The following GCSAML variants were observed in gnomAD, a reference collection of about 807,000 sequenced individuals.
The protein encoded by GCSAML is germinal center associated signaling and motility like.
GCSAML carries 9 observed loss-of-function variants against 13.0 expected under a neutral mutation model. The observed-to-expected ratio is 0.69, with a 90% CI of 0.42 to 1.21. The LOEUF is 1.21. GCSAML is among the 50% of genes most tolerant of loss of function. The pLI, the probability that GCSAML is intolerant of heterozygous loss-of-function variation, is 0.00. For missense variants in GCSAML, 143 were observed against 153.4 expected (o/e 0.93, Z 0.36); for synonymous variants, 37 against 52.9 (o/e 0.70, Z 1.31).
In GCSAML at chr1:247,552,042, A is replaced by G. The variant is rs73150456; in HGVS notation, c.29+2822A>G. On this transcript the variant is annotated intron_variant, in intron 1 of 4. Transcript: ENST00000366488. The stretch of plus-strand genomic sequence containing the variant: ...ATACAGGGAAAGTTAGAGTCATCTT[A>G]CTAATTTTATGGCTGGCTTTGGGGA... 3.8e-3 allele frequency among the ~76,000 whole-genome samples: 576 copies of G among 152,260 alleles called. 7 individuals are homozygous for G. Among genetic ancestry groups the G allele is most frequent in the African/African-American group, 0.013 (553 of 41,546 alleles).
At chr1:247,541,867 A>G (rs1284172109) in intron 2 of GCSAML, among the ~76,000 whole-genome samples, 1 of 151,898 alleles carries the variant, frequency 6.6e-6, no homozygotes, top group African/African-American at 2.4e-5. Context: ...AAAATTAGCC[A>G]GGCATGGTGG....
rs909576747 is a variant in GCSAML, at chr1:247,553,813, A to G, written c.30-2594A>G. Among the ~76,000 whole-genome samples, 6 of 152,348 alleles carry G rather than the reference A, an allele frequency of 3.9e-5. No homozygotes were observed. The East Asian group carries it at 7.7e-4, about 20-fold the overall frequency. ...ATAAGGACCAAACATTATCAAATGC[A>G]GTTTTAAACTATTGAGATAACCTCA... On this transcript the variant is annotated intron_variant, in intron 1 of 4. Coordinates refer to ENST00000366488, the MANE Select transcript of GCSAML (RefSeq NM_145278.5).
At chr1:247,530,383 T>C (rs1572311053) in intron 2 of GCSAML, 1 of 152,188 alleles carries the variant, frequency 6.6e-6, no homozygotes, top group East Asian at 1.9e-4. Context: ...ACTGTATACA[T>C]AGATAAGTAA....
intron 1 of GCSAML, among the ~76,000 whole-genome samples, chr1:247,556,059 G>T (rs1462850383): frequency 2.6e-5 from 4 of 152,126 alleles, no homozygotes; most frequent in Non-Finnish European, 5.9e-5. Context: ...CTTGCCTCAG[G>T]TTGTTGCAAA....
At chr1:247,556,488 G>GTT in intron 2 of GCSAML, 22 bp downstream of exon 2, 1 of 1,566,576 alleles carries the variant, frequency 6.4e-7, no homozygotes, top group Non-Finnish European at 8.7e-7. Context: ...GCATCTCAGA[G>GTT]TTTTTTTGTT....
intron 2 of GCSAML, among the ~76,000 whole-genome samples, chr1:247,556,961 T>C (rs1236650947): frequency 6.6e-6 from 1 of 152,188 alleles, no homozygotes; most frequent in Non-Finnish European, 1.5e-5. Context: ...CTTCACCCAC[T>C]ATCTTACATG....
intron 1 of GCSAML, among the ~76,000 whole-genome samples, chr1:247,516,288 T>C (rs545938126): frequency 1.0e-3 from 159 of 152,324 alleles, no homozygotes; most frequent in African/African-American, 3.7e-3. Flanking sequence ...ATTATGGATT[T>C]TGGTTTAGAG....
intron 4 of GCSAML, 21 bp from the exon 5 acceptor site, chr1:247,574,121 CT>C (rs773299572): frequency 7.4e-6 from 12 of 1,613,012 alleles, no homozygotes; most frequent in South Asian, 6.6e-5. Flanking sequence ...TCCTTGATTT[CT>C]TTTCTCTTTG....
chr1:247,546,415 G>C (rs1298919247), upstream of GCSAML, among the ~76,000 whole-genome samples: 2 of 152,100 alleles, frequency 1.3e-5, no homozygotes, highest in African/African-American at 2.4e-5. Context: ...CTGGAGTGCA[G>C]TGGCGCGATC....
At chr1:247,513,119 T>C (rs1230323094) in intron 1 of GCSAML, among the ~76,000 whole-genome samples, 9 of 152,148 alleles carry the variant, frequency 5.9e-5, no homozygotes, top group Admixed American at 5.2e-4. Context: ...AGCCGCCCCT[T>C]CCCCCAGGTG....
chr1:247,566,895 C>A (rs1389282628), intron 4 of GCSAML, among the ~76,000 whole-genome samples: 1 of 151,600 alleles, frequency 6.6e-6, no homozygotes, highest in East Asian at 1.9e-4. Flanking sequence ...ATTACTTATT[C>A]ATTACTTACT....
intron 2 of GCSAML, chr1:247,532,114 T>C (rs993927609): frequency 2.5e-6 from 4 of 1,614,046 alleles, no homozygotes; most frequent in Non-Finnish European, 3.4e-6. Context: ...AATGACAGTG[T>C]AATGGAGTGG....
intron 1 of GCSAML, among the ~76,000 whole-genome samples, chr1:247,516,024 T>C (rs1666198390): frequency 6.6e-6 from 1 of 152,138 alleles, no homozygotes; most frequent in Non-Finnish European, 1.5e-5. Flanking sequence ...GGTATGATGT[T>C]TAGGCTGTTA....
At chr1:247,569,494 T>C (rs1310725818) in intron 4 of GCSAML, among the ~76,000 whole-genome samples, 1 of 152,122 alleles carries the variant, frequency 6.6e-6, no homozygotes, top group Non-Finnish European at 1.5e-5. Context: ...TTCTTTCTGT[T>C]TAATAGATTA....
intron 2 of GCSAML, chr1:247,536,375 T>G (rs904858577): frequency 6.6e-6 from 1 of 152,220 alleles, no homozygotes; most frequent in African/African-American, 2.4e-5. Flanking sequence ...TCTGTTCAAA[T>G]TCATGTCTAA....
At chr1:247,566,528 T>G (rs1668374897) in intron 4 of GCSAML, among the ~76,000 whole-genome samples, 1 of 152,254 alleles carries the variant, frequency 6.6e-6, no homozygotes, top group East Asian at 1.9e-4. Context: ...CAGGCATTAG[T>G]CACTGTGTCC....
intron 2 of GCSAML, chr1:247,532,598 G>A: frequency 8.1e-7 from 1 of 1,232,414 alleles, no homozygotes; most frequent in Non-Finnish European, 1.1e-6. Flanking sequence ...ACATCAGTTA[G>A]CAAACATTAA....
At chr1:247,559,292 A>G (rs1249394262) in intron 2 of GCSAML, among the ~76,000 whole-genome samples, 2 of 152,202 alleles carry the variant, frequency 1.3e-5, no homozygotes, top group African/African-American at 2.4e-5. Context: ...ATTAGCTGAG[A>G]GAAATTAATC....
Position 247,532,191 on chromosome 1 carries a change from C to T in GCSAML, c.-148+5137C>T, listed in dbSNP as rs761085022. 2.5e-6 allele frequency: 4 copies of T among 1,614,004 alleles called. No individual in the cohort carries two copies. In the African/African-American group the frequency reaches 5.3e-5, roughly 22 times the overall value. Reference sequence around the variant, plus strand: ...GCAGGACACACTCGGTTGCCCCCAGCCAATGGGAGATATAGAACTGGACCA... The same window carrying T: ...GCAGGACACACTCGGTTGCCCCCAGTCAATGGGAGATATAGAACTGGACCA... On this transcript the variant is annotated intron_variant, in intron 2 of 5. Coordinates refer to the GCSAML transcript ENST00000366489.
Sources: allele counts gnomAD v4.1 joint callset (sites outside exome capture counted in the v4.1 genomes callset), GRCh38; gene constraint gnomAD v4.1.1; transcripts MANE v1.5; gene names NCBI Gene and HGNC (gene_info 2026-07-23, HGNC 2026-07-21).